The following CUL5 variants were observed in gnomAD, a reference collection of about 807,000 sequenced individuals.
CUL5 encodes the protein cullin 5.
Under a neutral mutation model 108.8 loss-of-function variants are expected in CUL5, and 26 were observed. The ratio of observed to expected loss-of-function variants is 0.24; its 90% confidence interval spans 0.18 to 0.33. The LOEUF (loss-of-function observed/expected upper bound fraction) is 0.33. Among genes scored for constraint, CUL5 ranks in the 10% least tolerant of loss-of-function variants. The probability of loss-of-function intolerance (pLI) is 1.00; values close to 1 mark genes in which losing one functional copy is unlikely to be tolerated. For missense variants in CUL5, 524 were observed against 909.2 expected, an observed-to-expected ratio of 0.58 and a Z score of 5.45; for synonymous variants, 334 against 298.0, an observed-to-expected ratio of 1.12 and a Z score of -1.25.
rs909897179 is a variant in CUL5, at chr11:108,105,216, G to GT, written c.*835dup. On this transcript the variant is annotated 3_prime_UTR_variant, in exon 19 of 19. Transcript: ENST00000393094. ...ATAGCAAAACAAACATATTAAGTGT[G>GT]TTTACTAAACATATTGTGTGTTTAC... The GT allele has an allele frequency of 1.3e-5, 2 of 151,946 alleles. No individual in the cohort carries two copies. The highest frequency in any genetic ancestry group is 2.4e-5 in the African/African-American group (1 of 41,382). The allele number at this position is 151,946 out of a possible 1,614,324, so 9.4% of individuals were successfully genotyped here. A position where few individuals can be genotyped will look rare whatever the true frequency, so the allele number is the denominator to read the frequency against.
intron 1 of CUL5, among the ~76,000 whole-genome samples, chr11:108,022,903 T>C (rs1451911248): frequency 2.6e-5 from 4 of 152,210 alleles, no homozygotes; most frequent in Admixed American, 6.5e-5. Flanking sequence ...ATGGACTTTT[T>C]AGTTCTTTAC....
At chr11:108,099,334 C>G (rs73557192) in intron 18 of CUL5, among the ~76,000 whole-genome samples, 3,006 of 151,558 alleles carry the variant, frequency 0.02, 110 homozygotes, top group African/African-American at 0.068. Flanking sequence ...TAAAACAAGA[C>G]GAAAAGATTA....
chr11:108,077,888 G>T (rs1023234992), intron 10 of CUL5, among the ~76,000 whole-genome samples: 1 of 152,132 alleles, frequency 6.6e-6, no homozygotes, highest in Admixed American at 6.5e-5. Flanking sequence ...GGCGGAGGTT[G>T]CAGTGAGTGG....
At chr11:108,047,059 T>C (rs758549234) in intron 3 of CUL5, among the ~76,000 whole-genome samples, 21 of 152,196 alleles carry the variant, frequency 1.4e-4, no homozygotes, top group Non-Finnish European at 2.4e-4. Context: ...AGCTCAGGCC[T>C]GTAATCCCAG....
rs78649925 is a variant in CUL5, at chr11:108,085,427, G to T, written c.1179-3100G>T. On this transcript the variant is annotated intron_variant, in intron 11 of 18. Transcript: ENST00000393094. ...TAAAAGTTACCAGGGGATGGGGAAG[G>T]GGGGGATGGGAAGTTACTGTTCCAT... Among the ~76,000 whole-genome samples the T allele has an allele frequency of 5.3e-5, 8 of 152,158 alleles. No individual in the cohort carries two copies. In the South Asian group the frequency reaches 6.2e-4, roughly 12 times the overall value.
intron 2 of CUL5, among the ~76,000 whole-genome samples, chr11:108,040,393 C>A: frequency 6.6e-6 from 1 of 152,170 alleles, no homozygotes; most frequent in Admixed American, 6.5e-5. Context: ...AGGTGGATCA[C>A]CTGAGGTCAG....
chr11:108,030,200 A>G lies in CUL5; in HGVS notation c.25-3602A>G, dbSNP rs534593328. On this transcript the variant is annotated intron_variant, in intron 1 of 18. Transcript: ENST00000393094. ...TCACAATTCTGACTCTGAATTTCCC[A>G]GTAGCCAACACTAAGAGGAGTGCGA... is the stretch of plus-strand genomic sequence containing the variant. Among the ~76,000 whole-genome samples, 6 of 152,362 alleles carry G rather than the reference A, an allele frequency of 3.9e-5. No homozygotes were observed. The South Asian group carries it at 1.2e-3, about 32-fold the overall frequency.
intron 1 of CUL5, among the ~76,000 whole-genome samples, chr11:108,025,603 C>A (rs184442878): frequency 2.0e-5 from 3 of 152,172 alleles, no homozygotes; most frequent in African/African-American, 7.2e-5. Context: ...TCCACTCTGG[C>A]TGGTAGCAAC....
rs529025398 is a variant in CUL5, at chr11:108,031,649, A to G, written c.25-2153A>G. ...TCTATTCTGTTCCATTGGTCTTTGT[A>G]TATGTTCTTATATCAGTACCATGAT... On this transcript the variant is annotated intron_variant, in intron 1 of 18. Transcript: ENST00000393094. Among the ~76,000 whole-genome samples the G allele has an allele frequency of 1.1e-3, 175 of 152,236 alleles. 2 individuals are homozygous for G. In the Middle Eastern group the frequency reaches 0.027, roughly 24 times the overall value.
At chr11:108,023,931 T>C (rs1862390404) in intron 1 of CUL5, among the ~76,000 whole-genome samples, 3 of 152,210 alleles carry the variant, frequency 2.0e-5, no homozygotes, top group Admixed American at 2.0e-4. Context: ...GTCCTCTTCC[T>C]CCTCCTCCAC....
At chr11:108,072,597 G>C (rs1565258325) in intron 9 of CUL5, 135 bp downstream of exon 9, 1 of 592,896 alleles carries the variant, frequency 1.7e-6, no homozygotes, top group East Asian at 2.9e-5. Context: ...GGGGTATAAA[G>C]TTATAGTTCA....
In CUL5 at chr11:108,064,151, T is replaced by C. The variant is rs192504482; in HGVS notation, c.781-5945T>C. ...AGTTTTTCTCCATTCAGTATGATAC[T>C]AGCTACGGGTCTCTCATGTGGCTTT... On this transcript the variant is annotated intron_variant, in intron 7 of 18. Transcript: ENST00000393094. Among the ~76,000 whole-genome samples, 103 of 152,326 alleles carry C rather than the reference T, an allele frequency of 6.8e-4. 1 individual carries two copies. The Middle Eastern group carries it at 0.017, about 25-fold the overall frequency.
intron 4 of CUL5, 117 bp downstream of exon 4, chr11:108,050,183 T>G: frequency 1.4e-6 from 1 of 728,188 alleles, no homozygotes; most frequent in East Asian, 2.7e-5. Context: ...GTCAATTGCT[T>G]TTCAGCTCTT....
rs778271383 is a variant in CUL5, at chr11:108,033,927, A to T, written c.134+16A>T. 4.7e-6 allele frequency: 7 copies of T among 1,481,032 alleles called. No homozygotes were observed. The South Asian group carries it at 8.3e-5, about 18-fold the overall frequency. The allele number at this position is 1,481,032 out of a possible 1,614,324, so 91.7% of individuals were successfully genotyped here. On this transcript the variant is annotated intron_variant, in intron 2 of 18. Coordinates refer to ENST00000393094, the MANE Select transcript of CUL5 (RefSeq NM_003478.6). Reference sequence around the variant, plus strand: ...ATCTGTTTTCGTAAGTACCCCACTAATTCTGTTTGCTAGCATAAAGGAAAT... The same window carrying T: ...ATCTGTTTTCGTAAGTACCCCACTATTTCTGTTTGCTAGCATAAAGGAAAT...
intron 2 of CUL5, among the ~76,000 whole-genome samples, chr11:108,042,525 A>G (rs1395776010): frequency 1.3e-5 from 2 of 151,826 alleles, no homozygotes; most frequent in East Asian, 3.9e-4. Context: ...CCTGGCCCAC[A>G]ATTCTATATA....
At chr11:108,100,860 C>G (rs1021926018) in intron 18 of CUL5, among the ~76,000 whole-genome samples, 11 of 152,140 alleles carry the variant, frequency 7.2e-5, no homozygotes, top group African/African-American at 2.7e-4. Flanking sequence ...GAAACCCCGT[C>G]TCTACTAAAA....
chr11:108,047,158 A>G (rs1863087799), intron 3 of CUL5, among the ~76,000 whole-genome samples: 1 of 152,022 alleles, frequency 6.6e-6, no homozygotes, highest in Admixed American at 6.6e-5. Flanking sequence ...CCTCTATACA[A>G]AATAAAAAAT....
intron 7 of CUL5, among the ~76,000 whole-genome samples, chr11:108,057,694 GCA>G (rs1863421764): frequency 6.6e-6 from 1 of 152,154 alleles, no homozygotes; most frequent in South Asian, 2.1e-4. Flanking sequence ...ACAACTATAT[GCA>G]ACATGGGCTT....
chr11:108,064,088 A>G (rs1033562523), intron 7 of CUL5, among the ~76,000 whole-genome samples: 5 of 152,164 alleles, frequency 3.3e-5, no homozygotes, highest in Non-Finnish European at 5.9e-5. Context: ...GACAGTGGGC[A>G]TCCTTGTCAT....
Sources: gnomAD v4.1 joint callset for allele counts (sites outside exome capture counted in the v4.1 genomes callset) on GRCh38, gnomAD v4.1.1 for gene constraint, MANE v1.5 for transcripts, NCBI Gene and HGNC (gene_info 2026-07-23, HGNC 2026-07-21) for gene names.